CDC5L: variants seen among roughly 807,000 people sequenced by gnomAD.
CDC5L encodes the protein cell division cycle 5-like protein.
Under a neutral mutation model 104.1 loss-of-function variants are expected in CDC5L, and 18 were observed. The ratio of observed to expected loss-of-function variants is 0.17; its 90% CI spans 0.12 to 0.26. The LOEUF is 0.26. Among genes scored for constraint, CDC5L ranks in the 10% least tolerant of loss-of-function variants. CDC5L has a pLI of 1.00. For synonymous variants in CDC5L, 331 were observed against 322.7 expected (o/e 1.03, Z -0.28); for missense variants, 673 against 956.9 (o/e 0.70, Z 3.91).
chr6:44,405,943 C>T (rs952158670), intron 6 of CDC5L, among the ~76,000 whole-genome samples: 1 of 151,490 alleles, frequency 6.6e-6, no homozygotes, highest in Non-Finnish European at 1.5e-5. Context: ...TCTCTATTGC[C>T]CAGGCTGGAG....
In CDC5L at chr6:44,408,553, T is replaced by G; in HGVS notation, c.1013T>G (p.Leu338Trp). 1 of 1,614,096 alleles carries G rather than the reference T, an allele frequency of 6.2e-7. No homozygotes were observed. Among genetic ancestry groups the G allele is most frequent in the Non-Finnish European group, 8.5e-7 (1 of 1,179,942 alleles). Residue 338 changes from leucine to tryptophan, a missense_variant, in exon 8 of 16, where the codon TTG (leucine) becomes TGG (tryptophan). Physicochemically the swap from Leu to Trp is moderately conservative, Grantham distance 61. Transcript: ENST00000371477. ...ACAAATTCTGCTTCCAGTACACTTT[T>G]GTCTGAGTACAATGTCACCAACAAC... ...GITNSASSTL[L>W]SEYNVTNNSV...
intron 8 of CDC5L, among the ~76,000 whole-genome samples, chr6:44,417,520 TGGAA>T: frequency 6.6e-6 from 1 of 152,244 alleles, no homozygotes; most frequent in East Asian, 1.9e-4. Flanking sequence ...TACCTCTTGA[TGGAA>T]GGAGTATCAC....
chr6:44,393,433 G>C lies in CDC5L; in HGVS notation c.312-13G>C, dbSNP rs752286056. The C allele has an allele frequency of 6.2e-7, 1 of 1,612,240 alleles. No individual in the cohort carries two copies. Among genetic ancestry groups the C allele is most frequent in the East Asian group, 2.2e-5 (1 of 44,810 alleles). ...TACTGTAGTGTGACTAACTCCTATG[G>C]GCTTTTTTCTAGGGATAAAGCTGCC... On this transcript the variant is annotated splice_polypyrimidine_tract_variant and intron_variant, in intron 3 of 15. Transcript: ENST00000371477.
At chr6:44,422,573 T>G (rs994024973) in intron 9 of CDC5L, 74 bp from the exon 10 acceptor site, 29 of 924,272 alleles carry the variant, frequency 3.1e-5, no homozygotes, top group Non-Finnish European at 4.6e-5. Context: ...TGAAATAATT[T>G]ATGTGAAAAA....
rs1790992592 is a variant in CDC5L, at chr6:44,398,874, C to T, written c.539+2434C>T. On this transcript the variant is annotated intron_variant, in intron 5 of 15. Coordinates refer to ENST00000371477, the MANE Select transcript of CDC5L (RefSeq NM_001253.4). ...CACTAACGTTTATACAAAGTTGGAT[C>T]ATACTGTACGGTTTTAATGAGAAGT... 2.0e-5 allele frequency among the ~76,000 whole-genome samples: 3 copies of T among 152,254 alleles called. No individual in the cohort carries two copies. The South Asian group carries it at 6.2e-4, about 32-fold the overall frequency.
intron 6 of CDC5L, among the ~76,000 whole-genome samples, chr6:44,404,320 T>C (rs1310755476): frequency 2.6e-5 from 4 of 151,954 alleles, no homozygotes; most frequent in Non-Finnish European, 5.9e-5. Flanking sequence ...AATTTTTTTT[T>C]ATTGTTTTGT....
chr6:44,406,846 G>T (rs1170026611), intron 7 of CDC5L, among the ~76,000 whole-genome samples: 1 of 152,064 alleles, frequency 6.6e-6, no homozygotes, highest in Non-Finnish European at 1.5e-5. Context: ...CCGGGAGGTG[G>T]AGGTTGCAGT....
intron 14 of CDC5L, among the ~76,000 whole-genome samples, chr6:44,430,194 A>G (rs1038210595): frequency 6.6e-6 from 1 of 151,916 alleles, no homozygotes; most frequent in Non-Finnish European, 1.5e-5. Flanking sequence ...ATGTGGGAGC[A>G]AGGAGCCAAG....
At position 44,445,924 on chromosome 6, in the gene CDC5L, C is replaced by A. The variant is rs11572049; in HGVS notation, c.2304+57C>A. On this transcript the variant is annotated intron_variant, in intron 15 of 15. Coordinates refer to ENST00000371477, the MANE Select transcript of CDC5L (RefSeq NM_001253.4). ...AGAGTGCTGCAAAGAATTATCAGGGCTGTCCTCTTTTACTTCTCCTATGTA... is the reference window on the plus strand; with the variant it reads ...AGAGTGCTGCAAAGAATTATCAGGGATGTCCTCTTTTACTTCTCCTATGTA... The A allele has an allele frequency of 1.6e-3, 2,122 of 1,342,346 alleles. 36 individuals carry two copies. In the African/African-American group the frequency reaches 0.028, roughly 17 times the overall value. 83.2% of individuals were successfully genotyped at this position (1,342,346 alleles called of 1,614,324 possible).
Position 44,426,166 on chromosome 6 carries a change from C to T in CDC5L, c.1633C>T (p.Leu545=). The part of the protein sequence containing the change: ...KRMHKAVQKD[L]PRPSEVNETI... The stretch of plus-strand genomic sequence containing the variant: ...AATGCATAAAGCTGTCCAGAAAGAT[C>T]TGCCAAGACCATCAGAAGTAAGTGT... Residue 545 remains leucine, a synonymous_variant, in exon 12 of 16, where the codon CTG becomes TTG. Transcript: ENST00000371477. 1.9e-6 allele frequency: 3 copies of T among 1,605,876 alleles called. No individual in the cohort carries two copies. Among genetic ancestry groups the T allele is most frequent in the Non-Finnish European group, 2.6e-6 (3 of 1,174,936 alleles).
intron 14 of CDC5L, among the ~76,000 whole-genome samples, chr6:44,433,812 C>CAGT (rs1792798205): frequency 6.6e-6 from 1 of 152,140 alleles, no homozygotes; most frequent in African/African-American, 2.4e-5. Context: ...ATTGGCTGCA[C>CAGT]AGTAGATCTC....
At position 44,403,842 on chromosome 6, in the gene CDC5L, T is replaced by A. The variant is rs781421628; in HGVS notation, c.573T>A (p.Leu191=). The A allele has an allele frequency of 6.2e-7, 1 of 1,611,562 alleles. No homozygotes were observed. Among genetic ancestry groups the A allele is most frequent in the East Asian group, 2.2e-5 (1 of 44,786 alleles). Residue 191 remains leucine, a synonymous_variant, in exon 6 of 16, where the codon CTT becomes CTA. Coordinates refer to ENST00000371477, the MANE Select transcript of CDC5L (RefSeq NM_001253.4). ...RLAALQKRRE[L]RAAGIEIQKK... ...CTGCCCTCCAAAAAAGAAGAGAACT[T>A]CGAGCAGCTGGCATAGAAATTCAGA...
chr6:44,424,587 G>A lies in CDC5L; in HGVS notation c.1569+4G>A, dbSNP rs1792335301. 1 of 1,613,354 alleles carries A rather than the reference G, an allele frequency of 6.2e-7. No homozygotes were observed. The highest frequency in any genetic ancestry group is 1.3e-5 in the African/African-American group (1 of 74,862). ...TGATGTGGATGCTCGAAAGCAGGTG[G>A]GTAACTGTACTGAAAGAAGCGTGAG... On this transcript the variant is annotated splice_donor_region_variant and intron_variant, in intron 11 of 15. Transcript: ENST00000371477.
rs186068570 is a variant in CDC5L at position 44,424,520 on chromosome 6, G to A, written c.1506G>A (p.Leu502=). The change falls in exon 11 of 16, where the codon CTG becomes CTA. Residue 502 remains leucine (L), a synonymous_variant. Transcript: ENST00000371477. ...TACCAGAAAATGCCGAGAAGGAGCT[G>A]GAAGAACGTGAAATAGATGATACTT... ...IVLPENAEKE[L]EEREIDDTYI... 1.9e-6 allele frequency: 3 copies of A among 1,613,948 alleles called. No homozygotes were observed. The African/African-American group carries it at 4.0e-5, about 22-fold the overall frequency.
chr6:44,416,631 C>T (rs1791920479), intron 8 of CDC5L, among the ~76,000 whole-genome samples: 1 of 152,182 alleles, frequency 6.6e-6, no homozygotes, highest in Admixed American at 6.5e-5. Context: ...GGGAAACATC[C>T]CAGTGTAACC....
chr6:44,438,413 C>A (rs907924213), intron 14 of CDC5L, among the ~76,000 whole-genome samples: 3 of 152,140 alleles, frequency 2.0e-5, no homozygotes, highest in African/African-American at 7.2e-5. Context: ...ATCCTAATTG[C>A]CTGTTAGAAT....
At chr6:44,425,324 G>GA (rs1435595698) in intron 11 of CDC5L, among the ~76,000 whole-genome samples, 1 of 152,096 alleles carries the variant, frequency 6.6e-6, no homozygotes, top group African/African-American at 2.4e-5. Flanking sequence ...TCCAGAATCT[G>GA]AAAAAATCAG....
At position 44,408,365 on chromosome 6, in the gene CDC5L, G is replaced by T; in HGVS notation, c.904-79G>T. On this transcript the variant is annotated intron_variant, in intron 7 of 15. Transcript: ENST00000371477. ...AGTTTGCCCTCCTCGGCCTCCCAGA[G>T]TGTTGGGATTACAAGTGTGAGCCAC... 3 of 1,150,618 alleles carry T rather than the reference G, an allele frequency of 2.6e-6. No homozygotes were observed. The Admixed American group carries it at 6.1e-5, about 23-fold the overall frequency. 71.3% of individuals were successfully genotyped at this position (1,150,618 alleles called of 1,614,324 possible).
In CDC5L at chr6:44,445,658, AACAGGGGTC is replaced by A; in HGVS notation, c.2099_2107del (p.Arg700_His702del). Reference sequence around the variant, plus strand: ...GTGATCTTCCCCTGCTCTCCAGATAAACAGGGGTCACATGACGACAGAAGCCAAGAGGGC... The same window carrying A: ...GTGATCTTCCCCTGCTCTCCAGATAAACATGACGACAGAAGCCAAGAGGGC... On this transcript the variant is annotated inframe_deletion, in exon 15 of 16. Coordinates refer to ENST00000371477, the MANE Select transcript of CDC5L (RefSeq NM_001253.4). 1 of 1,612,686 alleles carries A rather than the reference AACAGGGGTC, an allele frequency of 6.2e-7. No individual in the cohort carries two copies.
Sources: gnomAD v4.1 joint callset for allele counts (sites outside exome capture counted in the v4.1 genomes callset) on GRCh38, gnomAD v4.1.1 for gene constraint, MANE v1.5 for transcripts, NCBI Gene and HGNC (gene_info 2026-07-23, HGNC 2026-07-21) for gene names.